NUP214: variants seen among roughly 807,000 people sequenced by gnomAD.
NUP214 encodes the protein nuclear pore complex protein Nup214.
NUP214 carries 79 observed loss-of-function variants against 196.2 expected under a neutral mutation model. The observed-to-expected ratio is 0.40, with a 90% CI of 0.34 to 0.49. The LOEUF (loss-of-function observed/expected upper bound fraction) is 0.49, where lower values mean the gene tolerates loss of function less well. Among genes scored for constraint, NUP214 ranks in the 20% least tolerant of loss-of-function variants. NUP214 has a pLI of 0.58. For synonymous variants in NUP214, 1,020 were observed against 990.5 expected, an observed-to-expected ratio of 1.03 and a Z score of -0.56; for missense variants, 2,468 against 2,539.0, an observed-to-expected ratio of 0.97 and a Z score of 0.60.
intron 8 of NUP214, among the ~76,000 whole-genome samples, 178 bp from the exon 9 acceptor site, chr9:131,135,762 G>T (rs1348759042): frequency 6.6e-6 from 1 of 152,168 alleles, no homozygotes; most frequent in Non-Finnish European, 1.5e-5. Flanking sequence ...CTTTCTCACA[G>T]AAACTAAAAA....
intron 24 of NUP214, among the ~76,000 whole-genome samples, chr9:131,186,478 A>C (rs1833452510): frequency 6.6e-6 from 1 of 152,138 alleles, no homozygotes; most frequent in African/African-American, 2.4e-5. Context: ...ATCCTCCCTA[A>C]ATCTAGGGGA....
intron 6 of NUP214, 77 bp downstream of exon 6, chr9:131,132,736 G>A: frequency 8.1e-7 from 1 of 1,230,612 alleles, no homozygotes; most frequent in Non-Finnish European, 1.2e-6. Flanking sequence ...ATCATGTAAT[G>A]TACCTGCTCA....
intron 33 of NUP214, chr9:131,230,138 G>C: frequency 5.0e-6 from 1 of 199,266 alleles, no homozygotes; most frequent in South Asian, 7.2e-5. Flanking sequence ...TTTTACATTG[G>C]TTTGGGTAGT....
At chr9:131,172,407 T>C (rs2133583068) in intron 21 of NUP214, among the ~76,000 whole-genome samples, 1 of 152,354 alleles carries the variant, frequency 6.6e-6, no homozygotes, top group Non-Finnish European at 1.5e-5. Flanking sequence ...GGTTGTTTGT[T>C]TTTTCCTTGT....
intron 33 of NUP214, chr9:131,228,542 C>G (rs919035540): frequency 4.4e-6 from 2 of 458,444 alleles, no homozygotes; most frequent in Non-Finnish European, 7.6e-6. Flanking sequence ...TGGACCTCAG[C>G]TGTGTTGCTG....
chr9:131,197,558 C>G lies in NUP214; in HGVS notation c.4064C>G (p.Thr1355Arg). ...STKPTNKASS[T>R]SLTSTQPTKT... ...AAACCAACCAATAAGGCTTCATCCA[C>G]AAGCCTAACTAGTACCCAGCCAACC... Residue 1355 changes from threonine to arginine, a missense_variant, in exon 29 of 36, where the codon ACA becomes AGA. Physicochemically the swap from Thr to Arg is moderately conservative, Grantham distance 71 (BLOSUM62 -1). Coordinates refer to ENST00000359428, the MANE Select transcript of NUP214 (RefSeq NM_005085.4). The G allele has an allele frequency of 6.2e-7, 1 of 1,614,206 alleles. No individual in the cohort carries two copies. Among genetic ancestry groups the G allele is most frequent in the African/African-American group, 1.3e-5 (1 of 75,068 alleles).
intron 17 of NUP214, among the ~76,000 whole-genome samples, chr9:131,158,025 C>T (rs1387615432): frequency 1.3e-5 from 2 of 151,480 alleles, no homozygotes; most frequent in African/African-American, 4.9e-5. Context: ...TCGAGTAATA[C>T]ACCCGTCCTG....
rs569736038 is a variant in NUP214 at position 131,232,360 on chromosome 9, T to C, written c.6239+52T>C. ...CCTTAATTAAAAGCATTAAATAAGG[T>C]TGGAAGTGTGTGGATCTTGCTGGAT... On this transcript the variant is annotated intron_variant, in intron 35 of 35. Transcript: ENST00000359428. The surrounding 1 kb of genome is among the most constrained non-coding windows in gnomAD (Gnocchi z 5.1). The C allele has an allele frequency of 4.5e-6, 7 of 1,553,462 alleles. No homozygotes were observed. Among genetic ancestry groups the C allele is most frequent in the East Asian group, 2.2e-5 (1 of 44,592 alleles).
chr9:131,195,398 T>G (rs758685600), intron 28 of NUP214, 104 bp downstream of exon 28: 1 of 894,698 alleles, frequency 1.1e-6, no homozygotes, highest in South Asian at 1.4e-5. Context: ...GAATCTTACT[T>G]ACAGTATCTG....
At chr9:131,151,916 G>GT in intron 17 of NUP214, 22 bp downstream of exon 17, 1 of 1,534,948 alleles carries the variant, frequency 6.5e-7, no homozygotes, top group Non-Finnish European at 8.8e-7. Context: ...ATGTAAATCT[G>GT]TTTAAAAGAT....
rs777822003 is a variant in NUP214 at position 131,197,627 on chromosome 9, C to G, written c.4133C>G (p.Pro1378Arg). 17 of 1,614,020 alleles carry G rather than the reference C, an allele frequency of 1.1e-5. 1 individual carries two copies. The South Asian group carries it at 1.5e-4, about 15-fold the overall frequency. ...TCAGGGTTTAATTTTACTGCCCCCCCGGTGTTAGGGAAGCACACGGAGCCC... is the reference window on the plus strand; with the variant it reads ...TCAGGGTTTAATTTTACTGCCCCCCGGGTGTTAGGGAAGCACACGGAGCCC... ...VPSGFNFTAPPVLGKHTEPPV... is the reference protein window; with the variant it reads ...VPSGFNFTAPRVLGKHTEPPV... Residue 1378 changes from proline to arginine, a missense_variant, in exon 29 of 36, where the codon CCG becomes CGG. Physicochemically the swap from Pro to Arg is moderately radical, Grantham distance 103. Transcript: ENST00000359428.
At chr9:131,175,339 T>C in intron 22 of NUP214, 121 bp from the exon 23 acceptor site, 8 of 1,170,868 alleles carry the variant, frequency 6.8e-6, no homozygotes, top group Non-Finnish European at 9.6e-6. Context: ...CTGGTACTTT[T>C]CTATGTTAAC....
At chr9:131,213,751 CTGT>C (rs55661030) in intron 30 of NUP214, among the ~76,000 whole-genome samples, 1,755 of 147,636 alleles carry the variant, frequency 0.012, 23 homozygotes, top group African/African-American at 0.024. Flanking sequence ...TGAATTGGTA[CTGT>C]TGTTGTTGTT....
chr9:131,225,308 C>T (rs1365418431), intron 32 of NUP214, among the ~76,000 whole-genome samples: 2 of 151,096 alleles, frequency 1.3e-5, no homozygotes, highest in African/African-American at 4.9e-5. Context: ...AGTCCCAGCT[C>T]CTCGGGAGAC....
chr9:131,167,987 C>T (rs763287333), intron 21 of NUP214, among the ~76,000 whole-genome samples: 19 of 152,192 alleles, frequency 1.2e-4, no homozygotes, highest in East Asian at 1.9e-4. Context: ...GTGGCTGAAG[C>T]GATCCTCCTG....
intron 24 of NUP214, among the ~76,000 whole-genome samples, 197 bp downstream of exon 24, chr9:131,178,607 C>T (rs1197144672): frequency 6.6e-6 from 1 of 152,056 alleles, no homozygotes; most frequent in Non-Finnish European, 1.5e-5. Context: ...GTGACAGTTG[C>T]CTCACAAACT....
intron 16 of NUP214, 25 bp from the exon 17 acceptor site, chr9:131,151,711 C>A (rs777637386): frequency 6.3e-7 from 1 of 1,577,716 alleles, no homozygotes; most frequent in South Asian, 1.2e-5. Context: ...CTTTTTGTAC[C>A]AACACATTAT....
Position 131,175,476 on chromosome 9 carries a change from C to A in NUP214, c.3174C>A (p.Ser1058Arg), listed in dbSNP as rs1426669975. 1 of 1,614,046 alleles carries A rather than the reference C, an allele frequency of 6.2e-7. No individual in the cohort carries two copies. Among genetic ancestry groups the A allele is most frequent in the Non-Finnish European group, 8.5e-7 (1 of 1,180,022 alleles). Reference protein sequence around the residue: ...VMGTSVATSASKIIPQGADST... With the variant: ...VMGTSVATSARKIIPQGADST... Reference sequence around the variant, plus strand: ...TCCTCTTAGTGGCTACATCTGCTAGCAAAATTATTCCTCAAGGGGCCGATA... The same window carrying A: ...TCCTCTTAGTGGCTACATCTGCTAGAAAAATTATTCCTCAAGGGGCCGATA... Residue 1058 changes from serine (S) to arginine (R), a missense_variant, in exon 23 of 36, where the codon AGC (serine) becomes AGA (arginine). Coordinates refer to ENST00000359428, the MANE Select transcript of NUP214 (RefSeq NM_005085.4).
chr9:131,160,732 A>G (rs191750738), intron 18 of NUP214, among the ~76,000 whole-genome samples: 4 of 152,372 alleles, frequency 2.6e-5, no homozygotes, highest in East Asian at 1.9e-4. Context: ...GCACAATTCA[A>G]TAAATTACAT....
Sources: allele counts gnomAD v4.1 joint callset (sites outside exome capture counted in the v4.1 genomes callset), GRCh38; gene constraint gnomAD v4.1.1; non-coding constraint Gnocchi (gnomAD v3.1); transcripts MANE v1.5; gene names NCBI Gene and HGNC (gene_info 2026-07-23, HGNC 2026-07-21).